OS9: variants seen among roughly 807,000 people sequenced by gnomAD.
The protein encoded by OS9 is OS9 endoplasmic reticulum lectin.
A neutral mutation model predicts 84.7 loss-of-function variants in OS9; 58 were observed. The observed-to-expected ratio is 0.68, with a 90% CI of 0.55 to 0.85. The LOEUF (loss-of-function observed/expected upper bound fraction) is 0.85, where lower values mean the gene tolerates loss of function less well. Among genes scored for constraint, OS9 ranks in the 40% least tolerant of loss-of-function variants. The pLI is 0.00. For synonymous variants in OS9, 278 were observed against 320.8 expected, an observed-to-expected ratio of 0.87 and a Z score of 1.43; for missense variants, 760 against 850.9, an observed-to-expected ratio of 0.89 and a Z score of 1.33.
At chr12:57,719,986 A>C in intron 12 of OS9, 113 bp from the exon 13 acceptor site, 1 of 955,704 alleles carries the variant, frequency 1.0e-6, no homozygotes, top group Admixed American at 2.2e-5. Flanking sequence ...ATACATGTTG[A>C]GATGGAAGAG....
Position 57,720,135 on chromosome 12 carries a change from C to T in OS9, c.1637C>T (p.Thr546Ile). The change falls in exon 13 of 15, where the codon ACC becomes ATC. Residue 546 changes from threonine (T) to isoleucine (I), a missense_variant. Transcript: ENST00000315970. ...DPEHRVRVRV[T>I]KLRLGGPNQD... Reference sequence around the variant, plus strand: ...GAGCACAGAGTCCGGGTCCGGGTCACCAAGCTCCGTCTCGGAGGCCCTAAT... The same window carrying T: ...GAGCACAGAGTCCGGGTCCGGGTCATCAAGCTCCGTCTCGGAGGCCCTAAT... 6.2e-7 allele frequency: 1 copy of T among 1,614,148 alleles called. No homozygotes were observed. Among genetic ancestry groups the T allele is most frequent in the Admixed American group, 1.7e-5 (1 of 60,018 alleles).
At chr12:57,716,609 G>T in intron 8 of OS9, 84 bp from the exon 9 acceptor site, 1 of 1,513,606 alleles carries the variant, frequency 6.6e-7, no homozygotes, top group South Asian at 1.1e-5. Context: ...AGGGATGCAA[G>T]GATATCCCCA....
chr12:57,718,097 T>C, intron 10 of OS9, 49 bp from the exon 11 acceptor site: 1 of 1,588,192 alleles, frequency 6.3e-7, no homozygotes, highest in South Asian at 1.1e-5. Context: ...CGACCATGTG[T>C]CTCTGTTGAA....
At chr12:57,711,274 T>G (rs1425932454) in intron 5 of OS9, among the ~76,000 whole-genome samples, 1 of 151,548 alleles carries the variant, frequency 6.6e-6, no homozygotes, top group Non-Finnish European at 1.5e-5. Context: ...AACACACTGT[T>G]CTATACCTTG....
chr12:57,719,324 C>T (rs568645606), intron 12 of OS9, 142 bp downstream of exon 12: 36 of 668,208 alleles, frequency 5.4e-5, no homozygotes, highest in African/African-American at 4.6e-4. Context: ...TCCTCACTTG[C>T]GCCTGCTTCC....
chr12:57,717,792 CAAAAAA>C (rs59663591), intron 9 of OS9, 72 bp from the exon 10 acceptor site: 15,396 of 425,756 alleles, frequency 0.036, 74 homozygotes, highest in Non-Finnish European at 0.043. Context: ...GACTCTGTCT[CAAAAAA>C]AAAAAAAAAA....
rs960276981 is a variant in OS9, at chr12:57,716,171, G to T, written c.870G>T (p.Gly290=). 1 of 1,611,912 alleles carries T rather than the reference G, an allele frequency of 6.2e-7. No individual in the cohort carries two copies. Among genetic ancestry groups the T allele is most frequent in the Non-Finnish European group, 8.5e-7 (1 of 1,179,338 alleles). ...AAGTGTGGAGTGAGACCAAGTCTGG[G>T]GTGGCACCCCAAAAGATGGCAGGTA... ...GPQVWSETKS[G]VAPQKMAGAS... The change falls in exon 7 of 15, where the codon GGG becomes GGT. Residue 290 remains glycine, a synonymous_variant. Coordinates refer to ENST00000315970, the MANE Select transcript of OS9 (RefSeq NM_006812.4).
Position 57,718,222 on chromosome 12 carries a change from G to C in OS9, c.1211G>C (p.Arg404Thr), listed in dbSNP as rs1565781734. Residue 404 changes from arginine (R) to threonine (T), a missense_variant, in exon 11 of 15, where the codon AGG becomes ACG. Physicochemically the swap from Arg to Thr is moderately conservative, Grantham distance 71. Transcript: ENST00000315970. ...CCTCAGAGGGAACCAGAGAAGGAAA[G>C]GGGTGATCCAGAACGGCAGAGAGAG... ...EVPQREPEKE[R>T]GDPERQREME... 1 of 1,614,210 alleles carries C rather than the reference G, an allele frequency of 6.2e-7. No homozygotes were observed.
Position 57,695,996 on chromosome 12 carries a change from C to T in OS9, c.438C>T (p.Gly146=). 6.2e-7 allele frequency: 1 copy of T among 1,613,686 alleles called. No homozygotes were observed. Among genetic ancestry groups the T allele is most frequent in the Non-Finnish European group, 8.5e-7 (1 of 1,179,570 alleles). ...TCAAAGGTGAAGTCCTCTATCTCGG[C>T]TACTACCAATCAGCCTTCGACTGGG... is the stretch of plus-strand genomic sequence containing the variant. ...SEIKGEVLYL[G]YYQSAFDWDD... is the part of the protein sequence containing the mutation. The change falls in exon 4 of 15, where the codon GGC becomes GGT. Residue 146 remains glycine, a synonymous_variant. Coordinates refer to ENST00000315970, the MANE Select transcript of OS9 (RefSeq NM_006812.4).
At chr12:57,695,586 AT>A (rs1213830912) in intron 2 of OS9, 193 bp from the exon 3 acceptor site, 1 of 706,764 alleles carries the variant, frequency 1.4e-6, no homozygotes, top group East Asian at 2.7e-5. Flanking sequence ...CTTTAGAGAT[AT>A]CTCTCCAAGT....
At chr12:57,697,924 T>TACAC (rs61407014) in intron 5 of OS9, among the ~76,000 whole-genome samples, 12,059 of 91,100 alleles carry the variant, frequency 0.13, 637 homozygotes, top group African/African-American at 0.18. Flanking sequence ...CACACACACA[T>TACAC]ACACACACAC....
intron 5 of OS9, among the ~76,000 whole-genome samples, chr12:57,712,219 G>T (rs1954353262): frequency 6.6e-6 from 1 of 152,094 alleles, no homozygotes; most frequent in African/African-American, 2.4e-5. Flanking sequence ...ATGGAGTCAA[G>T]ATTTTGTTTT....
chr12:57,695,998 A>C lies in OS9; in HGVS notation c.440A>C (p.Tyr147Ser), dbSNP rs747401178. ...EIKGEVLYLGYYQSAFDWDDE... is the reference protein window; with the variant it reads ...EIKGEVLYLGSYQSAFDWDDE... ...AAAGGTGAAGTCCTCTATCTCGGCT[A>C]CTACCAATCAGCCTTCGACTGGGAT... Residue 147 changes from tyrosine to serine, a missense_variant, in exon 4 of 15, where the codon TAC becomes TCC. Coordinates refer to ENST00000315970, the MANE Select transcript of OS9 (RefSeq NM_006812.4). The C allele has an allele frequency of 6.2e-6, 10 of 1,613,596 alleles. No homozygotes were observed. Among genetic ancestry groups the C allele is most frequent in the Middle Eastern group, 3.3e-4 (2 of 6,084 alleles).
intron 5 of OS9, among the ~76,000 whole-genome samples, chr12:57,700,048 T>C (rs971959071): frequency 2.0e-5 from 3 of 151,352 alleles, no homozygotes; most frequent in African/African-American, 4.9e-5. Context: ...TGAGCTGATA[T>C]CGCACCATTG....
At chr12:57,718,684 C>A (rs1300167815) in intron 11 of OS9, among the ~76,000 whole-genome samples, 1 of 152,158 alleles carries the variant, frequency 6.6e-6, no homozygotes, top group East Asian at 1.9e-4. Flanking sequence ...GTGAGCGGAT[C>A]ACCTGAGGTC....
chr12:57,695,513 C>A, intron 2 of OS9: 1 of 659,258 alleles, frequency 1.5e-6, no homozygotes, highest in East Asian at 3.0e-5. Flanking sequence ...TTATGGAGGG[C>A]AAATAAGGAT....
At chr12:57,706,573 C>T (rs528215716) in intron 5 of OS9, among the ~76,000 whole-genome samples, 2 of 151,974 alleles carry the variant, frequency 1.3e-5, no homozygotes, top group African/African-American at 4.8e-5. Flanking sequence ...TAGGTAGGGT[C>T]GGGTGTGGTG....
intron 5 of OS9, among the ~76,000 whole-genome samples, chr12:57,700,312 T>C (rs1482640744): frequency 6.6e-6 from 1 of 151,794 alleles, no homozygotes; most frequent in Non-Finnish European, 1.5e-5. Flanking sequence ...GAAGTCAAGG[T>C]ACAGTAGAGA....
intron 5 of OS9, among the ~76,000 whole-genome samples, chr12:57,712,463 T>C (rs1035504434): frequency 2.6e-4 from 39 of 150,838 alleles, no homozygotes; most frequent in Non-Finnish European, 1.0e-4. Flanking sequence ...TATTCCATTA[T>C]GGTCAGAGAA....
Sources: allele counts gnomAD v4.1 joint callset (sites outside exome capture counted in the v4.1 genomes callset), GRCh38; gene constraint gnomAD v4.1.1; transcripts MANE v1.5; gene names NCBI Gene and HGNC (gene_info 2026-07-23, HGNC 2026-07-21).